Variants in TNIP1 observed in about 807,000 individuals in gnomAD.
The protein encoded by TNIP1 is TNFAIP3 interacting protein 1, also known as TNFAIP3-interacting protein 1.
Under a neutral mutation model 86.6 loss-of-function variants are expected in TNIP1, and 22 were observed. The observed-to-expected ratio is 0.25, with a 90% CI of 0.18 to 0.36. The LOEUF (loss-of-function observed/expected upper bound fraction) is 0.36. TNIP1 is among the 10% of genes least tolerant of loss of function. The probability of loss-of-function intolerance (pLI) is 1.00; values close to 1 mark genes in which losing one functional copy is unlikely to be tolerated. For synonymous variants in TNIP1, 294 were observed against 313.0 expected (o/e 0.94, Z 0.64); for missense variants, 709 against 820.6 (o/e 0.86, Z 1.66).
intron 5 of TNIP1, 111 bp downstream of exon 5, chr5:151,060,207 C>A: frequency 1.7e-6 from 2 of 1,148,752 alleles, no homozygotes; most frequent in Admixed American, 1.8e-5. Flanking sequence ...CCCCAAGTGA[C>A]TCCAGGGTAC....
chr5:151,052,374 C>T, intron 6 of TNIP1, 115 bp from the exon 7 acceptor site: 1 of 832,962 alleles, frequency 1.2e-6, no homozygotes, highest in South Asian at 1.6e-5. Flanking sequence ...CTCCTTATCC[C>T]CTTTGCCTGG....
At chr5:151,045,184 C>T (rs762245054) in intron 9 of TNIP1, among the ~76,000 whole-genome samples, 3 of 152,130 alleles carry the variant, frequency 2.0e-5, no homozygotes, top group Admixed American at 6.5e-5. Flanking sequence ...CTCAGCCTCC[C>T]GGGTTCAAGT....
At chr5:151,033,489 C>T (rs909913659) in intron 16 of TNIP1, 119 bp downstream of exon 16, 9 of 653,908 alleles carry the variant, frequency 1.4e-5, no homozygotes, top group Admixed American at 1.0e-4. Context: ...CCTGCCACCA[C>T]GGTGCTGTTT....
rs1759116392 is a variant in TNIP1 at position 151,046,009 on chromosome 5, TC to T, written c.847-60del. The stretch of plus-strand genomic sequence containing the variant: ...CCTCAATACAAATTATCTCACCCAG[TC>T]TCGGTGCTCCTCTAAGACCCCTCAC... On this transcript the variant is annotated intron_variant, in intron 8 of 17. Transcript: ENST00000521591. 5 of 1,547,950 alleles carry T rather than the reference TC, an allele frequency of 3.2e-6. No homozygotes were observed. The South Asian group carries it at 5.6e-5, about 17-fold the overall frequency.
At chr5:151,073,277 G>A (rs986843333) in intron 1 of TNIP1, among the ~76,000 whole-genome samples, 4 of 151,784 alleles carry the variant, frequency 2.6e-5, no homozygotes, top group Admixed American at 1.3e-4. Context: ...TACCTAAGGG[G>A]GCAGAAGTAA....
intron 1 of TNIP1, among the ~76,000 whole-genome samples, chr5:151,074,507 A>G (rs1376340712): frequency 6.6e-6 from 1 of 152,118 alleles, no homozygotes; most frequent in South Asian, 2.1e-4. Context: ...GTTTCTCCCT[A>G]TGGAAATGTT....
intron 1 of TNIP1, among the ~76,000 whole-genome samples, chr5:151,066,420 C>T (rs1251769894): frequency 2.0e-5 from 3 of 152,158 alleles, no homozygotes; most frequent in East Asian, 1.9e-4. Flanking sequence ...ACCTTCCTCC[C>T]AAGGTCACCA....
intron 17 of TNIP1, among the ~76,000 whole-genome samples, chr5:151,031,139 G>C (rs897582957): frequency 3.9e-5 from 6 of 152,066 alleles, no homozygotes; most frequent in Admixed American, 2.0e-4. Flanking sequence ...TGAACTTGTA[G>C]GGTTCTTCAG....
At chr5:151,053,101 CTTTTTTTTTTT>C (rs11390788) in intron 6 of TNIP1, among the ~76,000 whole-genome samples, 17 of 85,232 alleles carry the variant, frequency 2.0e-4, no homozygotes, top group African/African-American at 7.9e-4. Flanking sequence ...AACTGTTTCT[CTTTTTTTTTTT>C]TTTTTTTTTT....
chr5:151,070,082 G>A (rs1762669146), intron 1 of TNIP1, among the ~76,000 whole-genome samples: 1 of 152,166 alleles, frequency 6.6e-6, no homozygotes, highest in South Asian at 2.1e-4. Context: ...TGAAACCCTG[G>A]AGCAGCCACT....
chr5:151,051,646 GAA>G (rs1759941072), intron 7 of TNIP1, among the ~76,000 whole-genome samples: 1 of 152,214 alleles, frequency 6.6e-6, no homozygotes, highest in Non-Finnish European at 1.5e-5. Context: ...GACTCCTGGT[GAA>G]ATGCAGGCTC....
At chr5:151,046,130 A>G in intron 8 of TNIP1, 180 bp from the exon 9 acceptor site, 1 of 594,080 alleles carries the variant, frequency 1.7e-6, no homozygotes, top group South Asian at 1.9e-5. Flanking sequence ...CTAGAAGTCT[A>G]CAAGATGATG....
rs78181613 is a variant in TNIP1, at chr5:151,038,721, G to T, written c.1263+376C>A. 5.4e-3 allele frequency among the ~76,000 whole-genome samples: 821 copies of T among 152,314 alleles called. 6 individuals carry two copies. The highest frequency in any genetic ancestry group is 0.019 in the African/African-American group (787 of 41,562). On this transcript the variant is annotated intron_variant, in intron 12 of 17. Coordinates refer to ENST00000521591, the MANE Select transcript of TNIP1 (RefSeq NM_006058.5). ...CAGATGGGAAGACAGAATTAAATAA[G>T]TGATGACGAGCCATGAGAAGGAGTG...
chr5:151,033,232 G>A (rs1246831713), intron 16 of TNIP1, among the ~76,000 whole-genome samples: 1 of 151,666 alleles, frequency 6.6e-6, no homozygotes, highest in Non-Finnish European at 1.5e-5. Flanking sequence ...GGAAAGGAAA[G>A]GAAAGAGAGA....
chr5:151,072,671 C>G (rs768014542), intron 1 of TNIP1, among the ~76,000 whole-genome samples: 6 of 152,322 alleles, frequency 3.9e-5, no homozygotes, highest in South Asian at 2.1e-4. Flanking sequence ...ACTGCCCCCC[C>G]TCCAGTCCCC....
chr5:151,071,971 T>C (rs1762867756), intron 1 of TNIP1, among the ~76,000 whole-genome samples: 1 of 152,232 alleles, frequency 6.6e-6, no homozygotes, highest in Non-Finnish European at 1.5e-5. Context: ...GGCCGCATCA[T>C]GACGCACATG....
chr5:151,075,186 A>T (rs1763243272), intron 1 of TNIP1, among the ~76,000 whole-genome samples: 1 of 152,012 alleles, frequency 6.6e-6, no homozygotes, highest in Non-Finnish European at 1.5e-5. Flanking sequence ...AATTCAGAAC[A>T]CTTGTTTCTT....
intron 11 of TNIP1, among the ~76,000 whole-genome samples, chr5:151,041,054 ACTT>A (rs1270520329): frequency 2.0e-5 from 3 of 148,726 alleles, no homozygotes; most frequent in African/African-American, 5.0e-5. Context: ...GATCTCTGTA[ACTT>A]CTTCTTCGTA....
At chr5:151,064,737 T>C (rs1165875802) in intron 2 of TNIP1, among the ~76,000 whole-genome samples, 6 of 152,144 alleles carry the variant, frequency 3.9e-5, no homozygotes, top group Non-Finnish European at 8.8e-5. Context: ...AGTCCTGTCA[T>C]CCTGGTTTCC....
Sources: gnomAD v4.1 joint callset for allele counts (sites outside exome capture counted in the v4.1 genomes callset) on GRCh38, gnomAD v4.1.1 for gene constraint, MANE v1.5 for transcripts, NCBI Gene and HGNC (gene_info 2026-07-23, HGNC 2026-07-21) for gene names.